GLB1L2: variants seen among roughly 807,000 people sequenced by gnomAD.
The protein encoded by GLB1L2 is beta-galactosidase-1-like protein 2.
Under a neutral mutation model 84.1 loss-of-function variants are expected in GLB1L2, and 68 were observed. The observed-to-expected ratio is 0.81, with a 90% CI of 0.67 to 0.99. The LOEUF is 0.99. GLB1L2 is among the 50% of genes least tolerant of loss of function. The pLI, the probability that GLB1L2 is intolerant of heterozygous loss-of-function variation, is 0.00. For synonymous variants in GLB1L2, 290 were observed against 318.0 expected (o/e 0.91, Z 0.94); for missense variants, 762 against 805.6 (o/e 0.95, Z 0.66).
chr11:134,346,312 T>C, intron 4 of GLB1L2: 1 of 152,862 alleles, frequency 6.5e-6, no homozygotes, highest in Non-Finnish European at 1.5e-5. Context: ...TAGAAAGCTG[T>C]GTGCCACCGT....
chr11:134,364,339 A>G lies in GLB1L2; in HGVS notation c.745A>G (p.Ile249Val), dbSNP rs1943836696. The G allele has an allele frequency of 1.9e-6, 3 of 1,613,838 alleles. No homozygotes were observed. Among genetic ancestry groups the G allele is most frequent in the East Asian group, 4.5e-5 (2 of 44,882 alleles). Residue 249 changes from isoleucine (I) to valine (V), a missense_variant, in exon 8 of 19, where the codon ATC becomes GTC. Around this residue, in one of 3 missense-constraint regions of GLB1L2, gnomAD observed 603 missense variants for 611.7 expected, o/e 0.99. Transcript: ENST00000535456. The part of the protein sequence containing the change: ...KGIVQGVLAT[I>V]NLQSTHELQL... ...CTTCCCTTTAACAGTCTTGGCCACCATCAACTTGCAGTCAACACACGAGCT... is the reference window on the plus strand; with the variant it reads ...CTTCCCTTTAACAGTCTTGGCCACCGTCAACTTGCAGTCAACACACGAGCT...
Position 134,357,735 on chromosome 11 carries a change from T to C in GLB1L2, c.652-1325T>C, listed in dbSNP as rs991258097. Among the ~76,000 whole-genome samples, 6 of 152,220 alleles carry C rather than the reference T, an allele frequency of 3.9e-5. 1 individual carries two copies. Among genetic ancestry groups the C allele is most frequent in the Non-Finnish European group, 7.3e-5 (5 of 68,034 alleles). ...CAAAGAGAAGCAGCAGCGTCCAGCC[T>C]CTGTGGTCCGGAAGCTCTTGGGAGA... On this transcript the variant is annotated intron_variant, in intron 6 of 18. Coordinates refer to ENST00000535456, the MANE Select transcript of GLB1L2 (RefSeq NM_001370461.1).
chr11:134,355,882 A>T (rs1171917886), intron 5 of GLB1L2: 2 of 397,842 alleles, frequency 5.0e-6, no homozygotes, highest in Non-Finnish European at 9.9e-6. Context: ...AAGTTAGAAC[A>T]TTATCAACAA....
At chr11:134,359,391 T>C in intron 7 of GLB1L2, 1 of 356,856 alleles carries the variant, frequency 2.8e-6, no homozygotes, top group South Asian at 9.9e-5. Flanking sequence ...AAGGGCACTC[T>C]GCAGATGACT....
chr11:134,370,891 A>G lies in GLB1L2; in HGVS notation c.1216-117A>G, dbSNP rs1489383749. ...TATGTTTAGTGCAATGAGAAGTCAA[A>G]GTAGAAAACACCCACCAAACCTCCG... On this transcript the variant is annotated intron_variant, in intron 12 of 18. Transcript: ENST00000535456. The surrounding 1 kb of genome is among the most constrained non-coding windows in gnomAD (Gnocchi z 4.7). 1 of 1,159,902 alleles carries G rather than the reference A, an allele frequency of 8.6e-7. No homozygotes were observed. Among genetic ancestry groups the G allele is most frequent in the Non-Finnish European group, 1.2e-6 (1 of 805,124 alleles). The allele number at this position is 1,159,902 out of a possible 1,614,324, so 71.9% of individuals were successfully genotyped here.
At position 134,374,998 on chromosome 11, in the gene GLB1L2, G is replaced by A. The variant is rs773992680; in HGVS notation, c.1851G>A (p.Ala617=). The A allele has an allele frequency of 3.3e-5, 54 of 1,613,622 alleles. No individual in the cohort carries two copies. Among genetic ancestry groups the A allele is most frequent in the Non-Finnish European group, 4.2e-5 (50 of 1,179,930 alleles). The change falls in exon 19 of 19, where the codon GCG becomes GCA. Residue 617 remains alanine (A), a synonymous_variant. Coordinates refer to ENST00000535456, the MANE Select transcript of GLB1L2 (RefSeq NM_001370461.1). ...NQVIVFEETM[A]GPALQFTETP... The stretch of plus-strand genomic sequence containing the variant: ...TCATCGTTTTTGAGGAGACGATGGC[G>A]GGCCCTGCATTACAGTTCACGGAAA...
intron 15 of GLB1L2, among the ~76,000 whole-genome samples, chr11:134,373,024 G>A (rs79121792): frequency 0.026 from 3,901 of 152,306 alleles, 149 homozygotes; most frequent in African/African-American, 0.086. Flanking sequence ...CTGGATCACA[G>A]TTCAATGTTT....
intron 8 of GLB1L2, chr11:134,364,887 T>C (rs1173902209): frequency 1.3e-5 from 2 of 154,138 alleles, no homozygotes; most frequent in South Asian, 2.0e-4. Flanking sequence ...CTGATGGGCA[T>C]TTATGCCACC....
At chr11:134,361,211 A>G (rs1031544086) in intron 7 of GLB1L2, 7 of 152,306 alleles carry the variant, frequency 4.6e-5, no homozygotes, top group African/African-American at 1.7e-4. Flanking sequence ...CTGTAATCCC[A>G]GCTACTTGGG....
chr11:134,339,785 CAAGT>C lies in GLB1L2; in HGVS notation c.87-2965_87-2962del, dbSNP rs987979582. Among the ~76,000 whole-genome samples, 1 of 152,072 alleles carries C rather than the reference CAAGT, an allele frequency of 6.6e-6. No homozygotes were observed. Among genetic ancestry groups the C allele is most frequent in the African/African-American group, 2.4e-5 (1 of 41,408 alleles). Reference sequence around the variant, plus strand: ...ATGCAGATTTTGATTCAGTAGGTCTCAAGTAAGGCTTAAGGTTTATGCATTTCTG... The same window carrying C: ...ATGCAGATTTTGATTCAGTAGGTCTCAAGGCTTAAGGTTTATGCATTTCTG... On this transcript the variant is annotated intron_variant, in intron 1 of 18. Coordinates refer to ENST00000535456, the MANE Select transcript of GLB1L2 (RefSeq NM_001370461.1). The surrounding 1 kb of genome is among the most constrained non-coding windows in gnomAD (Gnocchi z 5.7).
chr11:134,371,380 T>C, intron 13 of GLB1L2, 41 bp from the exon 14 acceptor site: 1 of 1,328,422 alleles, frequency 7.5e-7, no homozygotes, highest in Non-Finnish European at 1.1e-6. Flanking sequence ...CTTACCCTCC[T>C]CCTGTTGGTC....
intron 5 of GLB1L2, among the ~76,000 whole-genome samples, chr11:134,348,128 G>T (rs1369102572): frequency 1.3e-5 from 2 of 152,280 alleles, no homozygotes; most frequent in Middle Eastern, 3.4e-3. Context: ...TAAAAAATTA[G>T]TTCAAGTCAG....
chr11:134,374,319 G>T, intron 17 of GLB1L2, 63 bp downstream of exon 17: 1 of 1,328,562 alleles, frequency 7.5e-7, no homozygotes, highest in Non-Finnish European at 1.1e-6. Flanking sequence ...AGGGCTCTGA[G>T]CCAAAGCCAC....
intron 1 of GLB1L2, 93 bp downstream of exon 1, chr11:134,332,240 A>T (rs1943308985): frequency 2.3e-6 from 2 of 880,710 alleles, no homozygotes; most frequent in African/African-American, 3.5e-5. Flanking sequence ...GCGAATCCCG[A>T]GTTCCCGGGG....
chr11:134,361,154 A>AC (rs1472712769), intron 7 of GLB1L2: 5 of 151,588 alleles, frequency 3.3e-5, no homozygotes, highest in African/African-American at 1.2e-4. Context: ...CCGTCTCAAA[A>AC]AAAAAACAAA....
In GLB1L2 at chr11:134,338,828, TG is replaced by T. The variant is rs573258629; in HGVS notation, c.87-3925del. On this transcript the variant is annotated intron_variant, in intron 1 of 18. Transcript: ENST00000535456. This position sits in a 1 kb window ranked among gnomAD's most constrained non-coding sequence, Gnocchi z 6.2. ...TGCGCGGCCCCATCAGAAGTCCTGA[TG>T]TGCCTGCCTTCCTCCAGGAACCCCA... 9.4e-4 allele frequency among the ~76,000 whole-genome samples: 143 copies of T among 152,300 alleles called. No individual in the cohort carries two copies. The highest frequency in any genetic ancestry group is 3.3e-3 in the African/African-American group (136 of 41,558).
Position 134,373,794 on chromosome 11 carries a change from G to C in GLB1L2, c.1581G>C (p.Lys527Asn). 6.2e-7 allele frequency: 1 copy of C among 1,609,310 alleles called. No homozygotes were observed. The highest frequency in any genetic ancestry group is 8.5e-7 in the Non-Finnish European group (1 of 1,175,692). The change falls in exon 16 of 19, where the codon AAG (lysine) becomes AAC (asparagine). Residue 527 changes from lysine to asparagine, a missense_variant. Physicochemically the swap from Lys to Asn is moderately conservative, Grantham distance 94. Coordinates refer to ENST00000535456, the MANE Select transcript of GLB1L2 (RefSeq NM_001370461.1). ...GAATCTATAGCCTGGATATGAAGAAGAGCTTCTTTCAGAGGTGGGTCCCTG... is the reference window on the plus strand; with the variant it reads ...GAATCTATAGCCTGGATATGAAGAACAGCTTCTTTCAGAGGTGGGTCCCTG... ...NFRIYSLDMK[K>N]SFFQRFGLDK... is the part of the protein sequence containing the mutation.
chr11:134,353,582 A>G (rs11223766), intron 5 of GLB1L2, among the ~76,000 whole-genome samples: 5,587 of 145,040 alleles, frequency 0.039, 443 homozygotes, highest in East Asian at 0.32. Context: ...TAGGTCCTCT[A>G]TTTGGTTACT....
chr11:134,349,774 G>A (rs1251298338), intron 5 of GLB1L2, among the ~76,000 whole-genome samples: 1 of 152,172 alleles, frequency 6.6e-6, no homozygotes. Flanking sequence ...TTTGAATCTA[G>A]TTGTTTGTTT....
Sources: allele counts gnomAD v4.1 joint callset (sites outside exome capture counted in the v4.1 genomes callset), GRCh38; gene constraint gnomAD v4.1.1; regional missense constraint gnomAD v4.1.1; non-coding constraint Gnocchi (gnomAD v3.1); transcripts MANE v1.5; gene names NCBI Gene and HGNC (gene_info 2026-07-23, HGNC 2026-07-21).